Variants in RBFOX1 observed in about 807,000 individuals in gnomAD.
RBFOX1 encodes the protein RNA binding protein fox-1 homolog 1.
A neutral mutation model predicts 57.7 loss-of-function variants in RBFOX1; 8 were observed. The ratio of observed to expected loss-of-function variants is 0.14; its 90% CI spans 0.08 to 0.25. The LOEUF (loss-of-function observed/expected upper bound fraction) is 0.25, where lower values mean the gene tolerates loss of function less well. Among genes scored for constraint, RBFOX1 ranks in the 10% least tolerant of loss-of-function variants. The pLI, the probability that RBFOX1 is intolerant of heterozygous loss-of-function variation, is 1.00. For missense variants in RBFOX1, 611 were observed against 548.5 expected (o/e 1.11, Z -1.14); for synonymous variants, 326 against 222.4 (o/e 1.47, Z -4.15).
At chr16:6,003,594 G>A (rs1357602769) in intron 4 of RBFOX1, among the ~76,000 whole-genome samples, 3 of 151,896 alleles carry the variant, frequency 2.0e-5, no homozygotes, top group East Asian at 3.9e-4. Flanking sequence ...TAAATACAGC[G>A]ACAGCTTCCT....
At chr16:6,669,030 T>A (rs2098748857) in intron 3 of RBFOX1, among the ~76,000 whole-genome samples, 1 of 152,344 alleles carries the variant, frequency 6.6e-6, no homozygotes, top group Non-Finnish European at 1.5e-5. Context: ...CACTTCTTGA[T>A]GTGTGATTGG....
chr16:7,691,032 A>G (rs916142914), intron 14 of RBFOX1, among the ~76,000 whole-genome samples: 8 of 152,126 alleles, frequency 5.3e-5, no homozygotes, highest in Non-Finnish European at 7.4e-5. Flanking sequence ...AATTCATGGA[A>G]TTAATTAATG....
chr16:5,269,470 A>C (rs1178215279), intron 1 of RBFOX1, among the ~76,000 whole-genome samples: 1 of 152,272 alleles, frequency 6.6e-6, no homozygotes, highest in Non-Finnish European at 1.5e-5. Context: ...AGTTAATCCA[A>C]ATGCCCATCA....
intron 3 of RBFOX1, among the ~76,000 whole-genome samples, chr16:6,956,267 GC>G (rs2081819705): frequency 6.6e-6 from 1 of 152,166 alleles, no homozygotes; most frequent in Admixed American, 6.5e-5. Flanking sequence ...GGCACAAAGA[GC>G]TGGGTGAAGA....
intron 4 of RBFOX1, among the ~76,000 whole-genome samples, chr16:7,326,784 G>A (rs758969024): frequency 9.2e-5 from 14 of 152,062 alleles, no homozygotes; most frequent in African/African-American, 2.9e-4. Flanking sequence ...ACTTTGAAAC[G>A]CAGGCTTTTC....
chr16:7,045,022 A>T (rs1039084916), intron 3 of RBFOX1, among the ~76,000 whole-genome samples: 14 of 152,294 alleles, frequency 9.2e-5, no homozygotes, highest in African/African-American at 3.4e-4. Context: ...TCATGATGGG[A>T]TTCTGCCGTT....
intron 4 of RBFOX1, among the ~76,000 whole-genome samples, chr16:7,184,292 TGA>T (rs2083291294): frequency 6.6e-6 from 1 of 152,156 alleles, no homozygotes; most frequent in African/African-American, 2.4e-5. Flanking sequence ...AGCTGTGGAA[TGA>T]CCTTAGAGGG....
intron 1 of RBFOX1, among the ~76,000 whole-genome samples, chr16:6,154,942 A>G (rs1597855374): frequency 6.6e-6 from 1 of 152,236 alleles, no homozygotes; most frequent in Non-Finnish European, 1.5e-5. Flanking sequence ...TATATTTTAT[A>G]TTTAATATTC....
rs182957431 is a variant in RBFOX1 at position 6,719,908 on chromosome 16, C to T, written c.-16+65258C>T. ...AGGAGTTCGAGACCAGCCTGGCCATCATGGTGAAAACCCATCTCTACTAAA... is the reference window on the plus strand; with the variant it reads ...AGGAGTTCGAGACCAGCCTGGCCATTATGGTGAAAACCCATCTCTACTAAA... On this transcript the variant is annotated intron_variant, in intron 3 of 15. Transcript: ENST00000550418. Among the ~76,000 whole-genome samples the T allele has an allele frequency of 3.5e-3, 530 of 151,938 alleles. 4 individuals carry two copies. The highest frequency in any genetic ancestry group is 0.012 in the African/African-American group (478 of 41,466).
chr16:6,021,812 T>C (rs779050484), intron 1 of RBFOX1, among the ~76,000 whole-genome samples: 14 of 152,092 alleles, frequency 9.2e-5, no homozygotes, highest in Non-Finnish European at 1.9e-4. Flanking sequence ...AAAATCAGAG[T>C]TTCAGTCGTA....
intron 1 of RBFOX1, among the ~76,000 whole-genome samples, chr16:6,264,243 A>G (rs1001999101): frequency 3.9e-5 from 6 of 152,130 alleles, no homozygotes; most frequent in African/African-American, 9.7e-5. Flanking sequence ...TCCTGTCATG[A>G]AAGGAGAAAA....
intron 2 of RBFOX1, among the ~76,000 whole-genome samples, chr16:5,507,855 C>T (rs184567460): frequency 1.6e-4 from 24 of 152,286 alleles, no homozygotes; most frequent in African/African-American, 5.5e-4. Context: ...GGGTCTCTTC[C>T]TAGAGCCTTC....
At chr16:7,339,054 T>A (rs2096845119) in intron 4 of RBFOX1, among the ~76,000 whole-genome samples, 1 of 152,002 alleles carries the variant, frequency 6.6e-6, no homozygotes. Flanking sequence ...AATTAAAGAG[T>A]CAGGGAGGTG....
intron 4 of RBFOX1, among the ~76,000 whole-genome samples, chr16:7,509,420 GTGTGTGTGTGTC>G (rs2074374438): frequency 1.6e-5 from 2 of 123,422 alleles, no homozygotes; most frequent in South Asian, 2.7e-4. Context: ...GTGTGTGTGT[GTGTGTGTGTGTC>G]TGTGTCTGTG....
chr16:6,851,774 G>C (rs527398950), intron 3 of RBFOX1, among the ~76,000 whole-genome samples: 2 of 152,108 alleles, frequency 1.3e-5, no homozygotes, highest in African/African-American at 2.4e-5. Flanking sequence ...AGGACTGGCA[G>C]GTGGCACCCG....
chr16:6,871,815 C>T (rs2060936410), intron 3 of RBFOX1, among the ~76,000 whole-genome samples: 1 of 152,066 alleles, frequency 6.6e-6, no homozygotes, highest in South Asian at 2.1e-4. Flanking sequence ...TTGTCAGTGG[C>T]CCTCAAAGTG....
intron 4 of RBFOX1, among the ~76,000 whole-genome samples, chr16:7,095,069 G>T (rs969201526): frequency 1.3e-5 from 2 of 151,978 alleles, no homozygotes; most frequent in Non-Finnish European, 2.9e-5. Flanking sequence ...TTTTGTTGAT[G>T]ATATTAGTAA....
chr16:6,321,402 T>G (rs1411996919), intron 2 of RBFOX1, among the ~76,000 whole-genome samples: 1 of 152,182 alleles, frequency 6.6e-6, no homozygotes, highest in Non-Finnish European at 1.5e-5. Context: ...CAATTAGGAC[T>G]CTGACTGATA....
chr16:6,659,760 C>A (rs905100802), intron 3 of RBFOX1, among the ~76,000 whole-genome samples: 1 of 152,150 alleles, frequency 6.6e-6, no homozygotes, highest in African/African-American at 2.4e-5. Context: ...CAAGCCTGCC[C>A]TTCCGGGAAG....
Sources: gnomAD v4.1 joint callset for allele counts (sites outside exome capture counted in the v4.1 genomes callset) on GRCh38, gnomAD v4.1.1 for gene constraint, MANE v1.5 for transcripts, NCBI Gene and HGNC (gene_info 2026-07-23, HGNC 2026-07-21) for gene names.